Variants in MACROD2 observed in about 807,000 individuals in gnomAD.
MACROD2 encodes the protein mono-ADP ribosylhydrolase 2, also known as ADP-ribose glycohydrolase MACROD2.
MACROD2 carries 36 observed loss-of-function variants against 70.4 expected under a neutral mutation model. The observed-to-expected ratio is 0.51, with a 90% CI of 0.39 to 0.68. The LOEUF is 0.68. MACROD2 is among the 30% of genes least tolerant of loss of function. The pLI, the probability that MACROD2 is intolerant of heterozygous loss-of-function variation, is 0.00. For missense variants in MACROD2, 496 were observed against 538.4 expected, an observed-to-expected ratio of 0.92 and a Z score of 0.78; for synonymous variants, 172 against 178.8, an observed-to-expected ratio of 0.96 and a Z score of 0.30.
chr20:14,778,299 T>C (rs1013447770), intron 5 of MACROD2, among the ~76,000 whole-genome samples: 6 of 152,152 alleles, frequency 3.9e-5, no homozygotes, highest in African/African-American at 1.4e-4. Context: ...CATTGCGCCC[T>C]GTCCGGTAGG....
intron 2 of MACROD2, among the ~76,000 whole-genome samples, chr20:14,023,021 A>C (rs2053109819): frequency 6.6e-6 from 1 of 152,220 alleles, no homozygotes; most frequent in African/African-American, 2.4e-5. Context: ...ACTGTCTTCC[A>C]CAATGTAAAA....
chr20:16,017,510 A>G (rs1165661400), intron 15 of MACROD2, among the ~76,000 whole-genome samples: 1 of 152,218 alleles, frequency 6.6e-6, no homozygotes, highest in Admixed American at 6.5e-5. Context: ...GATACTGCTC[A>G]CTTACTGATT....
At chr20:14,622,222 T>C (rs953932321) in intron 4 of MACROD2, among the ~76,000 whole-genome samples, 12 of 152,120 alleles carry the variant, frequency 7.9e-5, no homozygotes, top group African/African-American at 2.9e-4. Context: ...ATACATGCCT[T>C]TAGTTTTATA....
At chr20:15,131,970 A>G (rs2076109148) in intron 5 of MACROD2, among the ~76,000 whole-genome samples, 1 of 152,040 alleles carries the variant, frequency 6.6e-6, no homozygotes. Flanking sequence ...TCCCATCTAT[A>G]TACTATATAC....
chr20:15,696,206 A>G (rs1323893207), intron 8 of MACROD2, among the ~76,000 whole-genome samples: 1 of 152,176 alleles, frequency 6.6e-6, no homozygotes, highest in African/African-American at 2.4e-5. Context: ...TATTACATGA[A>G]GGTATGTCCC....
intron 3 of MACROD2, among the ~76,000 whole-genome samples, chr20:14,269,541 TG>T (rs2082172916): frequency 6.6e-6 from 1 of 152,164 alleles, no homozygotes; most frequent in African/African-American, 2.4e-5. Context: ...AGAAGTATTT[TG>T]GGGGTAAAGA....
At chr20:15,494,923 C>G (rs1008563263) in intron 7 of MACROD2, among the ~76,000 whole-genome samples, 1 of 152,152 alleles carries the variant, frequency 6.6e-6, no homozygotes, top group Non-Finnish European at 1.5e-5. Context: ...GAGTAGAAAA[C>G]TAAGCTTTGG....
intron 6 of MACROD2, among the ~76,000 whole-genome samples, chr20:15,351,066 G>A (rs1177513759): frequency 2.4e-5 from 3 of 126,098 alleles, no homozygotes; most frequent in Non-Finnish European, 3.2e-5. Flanking sequence ...TAACAGAAAT[G>A]ATTTCTGATG....
At chr20:14,572,554 T>A (rs1350698927) in intron 4 of MACROD2, among the ~76,000 whole-genome samples, 1 of 152,130 alleles carries the variant, frequency 6.6e-6, no homozygotes, top group Non-Finnish European at 1.5e-5. Flanking sequence ...AAATGAATAG[T>A]CTCTAACTAC....
chr20:14,964,668 A>G (rs2074616001), intron 5 of MACROD2, among the ~76,000 whole-genome samples: 1 of 152,226 alleles, frequency 6.6e-6, no homozygotes, highest in Admixed American at 6.5e-5. Flanking sequence ...TATAAAATTA[A>G]TAGTAATAAT....
At chr20:14,212,866 G>A (rs1258552072) in intron 3 of MACROD2, among the ~76,000 whole-genome samples, 1 of 151,710 alleles carries the variant, frequency 6.6e-6, no homozygotes, top group African/African-American at 2.4e-5. Flanking sequence ...TGTTCCTGGG[G>A]CTGATCCATG....
rs112505426 is a variant in MACROD2, at chr20:15,745,232, C to A, written c.646-117513C>A. ...ATACATTTCTTTCCACATCATCACA[C>A]ATTTATATCGGACACATACACAGAA... On this transcript the variant is annotated intron_variant, in intron 8 of 17. Transcript: ENST00000684519. 4.4e-3 allele frequency among the ~76,000 whole-genome samples: 671 copies of A among 152,280 alleles called. 6 individuals carry two copies. The highest frequency in any genetic ancestry group is 0.015 in the African/African-American group (644 of 41,556).
intron 3 of MACROD2, among the ~76,000 whole-genome samples, chr20:14,351,007 T>A (rs1396636153): frequency 6.6e-6 from 1 of 152,228 alleles, no homozygotes; most frequent in African/African-American, 2.4e-5. Flanking sequence ...GAAGAGACTG[T>A]CTTTTCCCCA....
intron 8 of MACROD2, among the ~76,000 whole-genome samples, chr20:15,520,404 A>G (rs73098211): frequency 0.051 from 7,845 of 152,336 alleles, 272 homozygotes; most frequent in Non-Finnish European, 0.08. Flanking sequence ...TCAAAGTGCC[A>G]ATGAACCAAA....
intron 3 of MACROD2, among the ~76,000 whole-genome samples, chr20:14,213,224 T>C (rs1175807399): frequency 5.9e-5 from 9 of 151,674 alleles, no homozygotes; most frequent in Non-Finnish European, 7.4e-5. Context: ...AAACTCACTA[T>C]AGTAAGCTTC....
At chr20:14,081,444 TATATA>T (rs1261177349) in intron 2 of MACROD2, among the ~76,000 whole-genome samples, 19 of 152,236 alleles carry the variant, frequency 1.2e-4, no homozygotes, top group Admixed American at 6.5e-5. Context: ...TTATCAGAAA[TATATA>T]ATATGAAAGA....
chr20:14,578,919 C>T (rs1186866645), intron 4 of MACROD2, among the ~76,000 whole-genome samples: 1 of 151,976 alleles, frequency 6.6e-6, no homozygotes, highest in Non-Finnish European at 1.5e-5. Flanking sequence ...CTTTTTTCTT[C>T]TCTAAATCTT....
intron 2 of MACROD2, among the ~76,000 whole-genome samples, chr20:14,037,900 G>A (rs2053337305): frequency 6.6e-6 from 1 of 151,924 alleles, no homozygotes; most frequent in African/African-American, 2.4e-5. Context: ...CTGTAGCCTC[G>A]GCTACTCAGG....
At chr20:14,404,257 A>G (rs1293530449) in intron 3 of MACROD2, among the ~76,000 whole-genome samples, 2 of 152,190 alleles carry the variant, frequency 1.3e-5, no homozygotes, top group African/African-American at 2.4e-5. Flanking sequence ...TAGAGGTAGT[A>G]TTTGAAAACA....
Sources: allele counts gnomAD v4.1 joint callset (sites outside exome capture counted in the v4.1 genomes callset), GRCh38; gene constraint gnomAD v4.1.1; transcripts MANE v1.5; gene names NCBI Gene and HGNC (gene_info 2026-07-23, HGNC 2026-07-21).